BBS1: variants seen among roughly 807,000 people sequenced by gnomAD.
BBS1 encodes BBSome complex member BBS1.
A neutral mutation model predicts 73.9 loss-of-function variants in BBS1; 60 were observed. The observed-to-expected ratio is 0.81, with a 90% CI of 0.66 to 1.01. The LOEUF (loss-of-function observed/expected upper bound fraction) is 1.01. BBS1 is among the 50% of genes least tolerant of loss of function. The probability of loss-of-function intolerance (pLI) is 0.00; values close to 1 mark genes in which losing one functional copy is unlikely to be tolerated. For synonymous variants in BBS1, 283 were observed against 317.4 expected (o/e 0.89, Z 1.15); for missense variants, 718 against 770.3 (o/e 0.93, Z 0.80).
At chr11:66,511,664 G>C (rs1855950681) in intron 3 of BBS1, among the ~76,000 whole-genome samples, 1 of 152,110 alleles carries the variant, frequency 6.6e-6, no homozygotes, top group Non-Finnish European at 1.5e-5. Context: ...CTCATTATAT[G>C]AGTCTCTCTA....
At chr11:66,517,643 T>A (rs971012955) in intron 7 of BBS1, among the ~76,000 whole-genome samples, 2 of 151,922 alleles carry the variant, frequency 1.3e-5, no homozygotes, top group Non-Finnish European at 2.9e-5. Context: ...AATTTTTGTA[T>A]TTTTAGTAGA....
At chr11:66,525,594 G>T (rs1315164157) in intron 11 of BBS1, among the ~76,000 whole-genome samples, 2 of 152,166 alleles carry the variant, frequency 1.3e-5, no homozygotes, top group Non-Finnish European at 2.9e-5. Flanking sequence ...GTGAAACTGT[G>T]TATGTGTGTG....
In BBS1 at chr11:66,526,384, G is replaced by C. The variant is rs59642177; in HGVS notation, c.1180+192G>C. ...AAGGGCTGGGTCCTGGGCTGGATTC[G>C]ATCTTTCTAGTTCACCCAGCATCCC... On this transcript the variant is annotated intron_variant, in intron 12 of 16. Coordinates refer to ENST00000318312, the MANE Select transcript of BBS1 (RefSeq NM_024649.5). Among the ~76,000 whole-genome samples, 109 of 152,318 alleles carry C rather than the reference G, an allele frequency of 7.2e-4. 4 individuals carry two copies. In the East Asian group the frequency reaches 0.011, roughly 16 times the overall value.
intron 8 of BBS1, 159 bp downstream of exon 8, chr11:66,519,907 T>G: frequency 1.1e-6 from 1 of 888,742 alleles, no homozygotes; most frequent in Non-Finnish European, 1.7e-6. Flanking sequence ...CTACCGCCTA[T>G]GGATGTATAC....
rs765829383 is a variant in BBS1, at chr11:66,526,802, G to C, written c.1334G>C (p.Gly445Ala). The C allele has an allele frequency of 1.2e-6, 2 of 1,614,224 alleles. No homozygotes were observed. Among genetic ancestry groups the C allele is most frequent in the Non-Finnish European group, 1.7e-6 (2 of 1,180,038 alleles). The change falls in exon 13 of 17, where the codon GGC becomes GCC. Residue 445 changes from glycine to alanine, a missense_variant. Transcript: ENST00000318312. ...CAGACACTGCGAGAGCGGGAGGCTGGCACCGGTGAGCCTCAGACTGGGTCC... is the reference window on the plus strand; with the variant it reads ...CAGACACTGCGAGAGCGGGAGGCTGCCACCGGTGAGCCTCAGACTGGGTCC... ...VDQTLREREA[G>A]TAMHRAFQTD...
At chr11:66,529,193 G>A (rs1856653032) in intron 13 of BBS1, 1 of 1,463,730 alleles carries the variant, frequency 6.8e-7, no homozygotes, top group South Asian at 1.4e-5. Context: ...CAGTGGGGTG[G>A]GGGCGGGGTG....
chr11:66,530,352 C>T (rs1228211745), intron 14 of BBS1, among the ~76,000 whole-genome samples: 1 of 151,690 alleles, frequency 6.6e-6, no homozygotes, highest in Non-Finnish European at 1.5e-5. Flanking sequence ...GGGGCCATCC[C>T]GGCCTCACCC....
chr11:66,526,264 G>T, intron 12 of BBS1, 72 bp downstream of exon 12: 1 of 1,461,254 alleles, frequency 6.8e-7, no homozygotes. Context: ...TGGGGAAAGA[G>T]GAGGAGGTGG....
Position 66,511,473 on chromosome 11 carries a change from C to T in BBS1, c.159+234C>T, listed in dbSNP as rs1284237130. Among the ~76,000 whole-genome samples, 3 of 152,152 alleles carry T rather than the reference C, an allele frequency of 2.0e-5. No individual in the cohort carries two copies. The East Asian group carries it at 5.8e-4, about 29-fold the overall frequency. Reference sequence around the variant, plus strand: ...AATATTTCTGGGGATTCTACTAAGACAAAGCCTCTTAGTTAACCTGATTTC... The same window carrying T: ...AATATTTCTGGGGATTCTACTAAGATAAAGCCTCTTAGTTAACCTGATTTC... On this transcript the variant is annotated intron_variant, in intron 3 of 16. Coordinates refer to ENST00000318312, the MANE Select transcript of BBS1 (RefSeq NM_024649.5).
At chr11:66,511,161 C>T (rs1263409555) in intron 2 of BBS1, 44 bp from the exon 3 acceptor site, 2 of 1,614,022 alleles carry the variant, frequency 1.2e-6, no homozygotes, top group Admixed American at 1.7e-5. Context: ...GTAGTGAAGC[C>T]TCTGGGATTC....
rs1188960854 is a variant in BBS1, at chr11:66,532,118, T to C, written c.*81T>C. 7.1e-6 allele frequency: 10 copies of C among 1,406,280 alleles called. 1 individual carries two copies. Among genetic ancestry groups the C allele is most frequent in the South Asian group, 6.3e-5 (5 of 79,090 alleles). 87.1% of individuals were successfully genotyped at this position (1,406,280 alleles called of 1,614,324 possible). A position where few individuals can be genotyped will look rare whatever the true frequency, so the allele number is the denominator to read the frequency against. The stretch of plus-strand genomic sequence containing the variant: ...TTAGTGGCCCCAGGCCCACTCCTCA[T>C]GCAGCAGTGTGCTGGGGCGACAGCT... On this transcript the variant is annotated 3_prime_UTR_variant, in exon 17 of 17. Transcript: ENST00000318312.
In BBS1 at chr11:66,533,406, T is replaced by A. The variant is rs1590785478; in HGVS notation, c.*1369T>A. ...TAAAATGTGCTTATATGACTCTTGC[T>A]TGATATATCAATCTTAGACATTACC... On this transcript the variant is annotated 3_prime_UTR_variant, in exon 17 of 17. Coordinates refer to ENST00000318312, the MANE Select transcript of BBS1 (RefSeq NM_024649.5). 1.3e-5 allele frequency: 2 copies of A among 152,268 alleles called. No homozygotes were observed. The highest frequency in any genetic ancestry group is 2.9e-5 in the Non-Finnish European group (2 of 68,052). The allele number at this position is 152,268 out of a possible 1,614,324, so 9.4% of individuals were successfully genotyped here. A position where few individuals can be genotyped will look rare whatever the true frequency, so the allele number is the denominator to read the frequency against.
rs750108791 is a variant in BBS1 at position 66,521,296 on chromosome 11, C to T, written c.750C>T (p.Phe250=). The T allele has an allele frequency of 8.7e-6, 14 of 1,614,226 alleles. No individual in the cohort carries two copies. The Admixed American group carries it at 1.7e-4, about 19-fold the overall frequency. The change falls in exon 9 of 17, where the codon TTC becomes TTT. Residue 250 remains phenylalanine, a synonymous_variant. Coordinates refer to ENST00000318312, the MANE Select transcript of BBS1 (RefSeq NM_024649.5). ...AKMSLPSVPV[F]LEVSGQFDVE... is the part of the protein sequence containing the mutation. ...TGAGCCTTCCCAGCGTCCCCGTCTT[C>T]CTAGAGGTTTCTGGCCAGTTTGATG...
intron 9 of BBS1, chr11:66,522,720 A>ACGCCG: frequency 4.9e-6 from 1 of 205,330 alleles, no homozygotes; most frequent in Non-Finnish European, 9.9e-6. Flanking sequence ...GGTATTAGGG[A>ACGCCG]TATATTGATG....
Position 66,531,826 on chromosome 11 carries a change from G to T in BBS1, c.1695+84G>T, listed in dbSNP as rs143726773. On this transcript the variant is annotated intron_variant, in intron 16 of 16. Coordinates refer to ENST00000318312, the MANE Select transcript of BBS1 (RefSeq NM_024649.5). The stretch of plus-strand genomic sequence containing the variant: ...GGTGAGTGCCAACAAAGACCTTAGG[G>T]GGCTCCTGGGTGGGGGTGGGGGTAT... The T allele has an allele frequency of 2.9e-4, 468 of 1,612,112 alleles. 4 individuals carry two copies. The East Asian group carries it at 9.5e-3, about 33-fold the overall frequency.
chr11:66,532,288 C>A lies in BBS1; in HGVS notation c.*251C>A. The A allele has an allele frequency of 1.8e-6, 1 of 553,634 alleles. No individual in the cohort carries two copies. The highest frequency in any genetic ancestry group is 3.3e-6 in the Non-Finnish European group (1 of 307,278). The allele number at this position is 553,634 out of a possible 1,614,324, so 34.3% of individuals were successfully genotyped here. A position where few individuals can be genotyped will look rare whatever the true frequency, so the allele number is the denominator to read the frequency against. On this transcript the variant is annotated 3_prime_UTR_variant, in exon 17 of 17. Transcript: ENST00000318312. ...CACTGAAGTCCTACTACGCCCTCCC[C>A]TCCCCAGCCTTTTCCAGAAACCATA...
At chr11:66,510,770 G>A in intron 1 of BBS1, 64 bp downstream of exon 1, 1 of 1,601,624 alleles carries the variant, frequency 6.2e-7, no homozygotes, top group Non-Finnish European at 8.5e-7. Flanking sequence ...TTGGTCCCCG[G>A]GCTCTGGGCT....
intron 9 of BBS1, chr11:66,522,763 G>A (rs952882321): frequency 1.7e-5 from 4 of 236,236 alleles, no homozygotes; most frequent in African/African-American, 4.6e-5. Context: ...TCCTCATGGC[G>A]AAGACAGATG....
At chr11:66,524,490 T>G (rs1590768840) in intron 11 of BBS1, among the ~76,000 whole-genome samples, 2 of 145,104 alleles carry the variant, frequency 1.4e-5, no homozygotes, top group African/African-American at 2.6e-5. Flanking sequence ...GGGTGGGGGG[T>G]GAGATAAATG....
Sources: gnomAD v4.1 joint callset for allele counts (sites outside exome capture counted in the v4.1 genomes callset) on GRCh38, gnomAD v4.1.1 for gene constraint, MANE v1.5 for transcripts, NCBI Gene and HGNC (gene_info 2026-07-23, HGNC 2026-07-21) for gene names.